Variants in L3MBTL4 observed in about 807,000 individuals in gnomAD.
The protein encoded by L3MBTL4 is lethal(3)malignant brain tumor-like protein 4.
L3MBTL4 carries 70 observed loss-of-function variants against 84.5 expected under a neutral mutation model. The observed-to-expected ratio is 0.83, with a 90% CI of 0.68 to 1.01. The LOEUF (loss-of-function observed/expected upper bound fraction) is 1.01. Among genes scored for constraint, L3MBTL4 ranks in the 50% least tolerant of loss-of-function variants. The probability of loss-of-function intolerance (pLI) is 0.00; values close to 1 mark genes in which losing one functional copy is unlikely to be tolerated. For synonymous variants in L3MBTL4, 274 were observed against 259.8 expected (o/e 1.05, Z -0.52); for missense variants, 715 against 754.8 (o/e 0.95, Z 0.62).
chr18:5,996,423 C>CGTTTGT (rs1555625866), intron 16 of L3MBTL4, among the ~76,000 whole-genome samples: 4 of 152,134 alleles, frequency 2.6e-5, no homozygotes, highest in African/African-American at 9.7e-5. Flanking sequence ...GTGAGCTGTA[C>CGTTTGT]GTTTTTGTTT....
In L3MBTL4 at chr18:6,215,810, G is replaced by A; in HGVS notation, c.810C>T (p.Ser270=). The change falls in exon 11 of 19, where the codon TCC becomes TCT. Residue 270 remains serine, a synonymous_variant. Transcript: ENST00000317931. The part of the protein sequence containing the change: ...PQGYPNPENF[S]WTEYLEATQT... ...GAGTAGCTTCCAGGTATTCTGTCCA[G>A]GAAAAATTTTCTGGATTGGGATAAC... 6.2e-7 allele frequency: 1 copy of A among 1,603,200 alleles called. No homozygotes were observed. Among genetic ancestry groups the A allele is most frequent in the Non-Finnish European group, 8.5e-7 (1 of 1,175,414 alleles).
At chr18:6,216,257 A>T (rs2046322320) in intron 10 of L3MBTL4, among the ~76,000 whole-genome samples, 1 of 152,210 alleles carries the variant, frequency 6.6e-6, no homozygotes, top group African/African-American at 2.4e-5. Context: ...TTCTCTAATC[A>T]TTCTATATCT....
chr18:6,412,694 C>G (rs762083342), intron 1 of L3MBTL4, among the ~76,000 whole-genome samples: 3 of 152,038 alleles, frequency 2.0e-5, no homozygotes, highest in Admixed American at 6.6e-5. Context: ...CTCGGTCCTA[C>G]GAGTATTTGT....
At chr18:6,176,397 C>A (rs985124046) in intron 12 of L3MBTL4, among the ~76,000 whole-genome samples, 1 of 151,916 alleles carries the variant, frequency 6.6e-6, no homozygotes, top group Non-Finnish European at 1.5e-5. Flanking sequence ...ATAAATTGAT[C>A]CATATATATG....
chr18:6,387,194 G>C (rs181307152), intron 1 of L3MBTL4, among the ~76,000 whole-genome samples: 1 of 152,160 alleles, frequency 6.6e-6, no homozygotes, highest in African/African-American at 2.4e-5. Context: ...ATTGAGGTCT[G>C]GGAACCTCCA....
chr18:6,137,709 T>C (rs1276824843), intron 14 of L3MBTL4, among the ~76,000 whole-genome samples: 2 of 152,238 alleles, frequency 1.3e-5, no homozygotes, highest in East Asian at 3.8e-4. Flanking sequence ...CAACATCTGT[T>C]CATATGGATA....
intron 17 of L3MBTL4, among the ~76,000 whole-genome samples, chr18:5,965,345 C>G (rs1479241152): frequency 6.6e-6 from 1 of 152,208 alleles, no homozygotes. Flanking sequence ...TCCTCCCAGG[C>G]CAGGAAGGCA....
intron 1 of L3MBTL4, among the ~76,000 whole-genome samples, chr18:6,375,717 A>T (rs181012750): frequency 2.6e-5 from 4 of 152,326 alleles, no homozygotes; most frequent in Admixed American, 2.6e-4. Context: ...TGCAACAGTC[A>T]GGATGAGAAA....
At chr18:6,131,456 G>A (rs1328767756) in intron 14 of L3MBTL4, among the ~76,000 whole-genome samples, 40 of 152,100 alleles carry the variant, frequency 2.6e-4, no homozygotes, top group African/African-American at 2.4e-5. Flanking sequence ...CTGGACTAGA[G>A]ACTGCAAGAA....
At chr18:6,292,519 T>C (rs2049911669) in intron 4 of L3MBTL4, among the ~76,000 whole-genome samples, 1 of 152,172 alleles carries the variant, frequency 6.6e-6, no homozygotes, top group African/African-American at 2.4e-5. Flanking sequence ...TCTTTGTTAC[T>C]CAGATATGGC....
chr18:6,352,880 T>TTATCCTAA (rs1322388889), intron 1 of L3MBTL4, among the ~76,000 whole-genome samples: 35 of 152,360 alleles, frequency 2.3e-4, no homozygotes, highest in African/African-American at 8.4e-4. Flanking sequence ...CCTTCTATTT[T>TTATCCTAA]TATCCTAAAT....
At chr18:6,208,076 C>A (rs1453192070) in intron 12 of L3MBTL4, among the ~76,000 whole-genome samples, 1 of 151,790 alleles carries the variant, frequency 6.6e-6, no homozygotes, top group Non-Finnish European at 1.5e-5. Flanking sequence ...GATTGTGCCA[C>A]TGCACTTTAG....
chr18:6,119,027 C>T (rs1210871172), intron 14 of L3MBTL4, among the ~76,000 whole-genome samples: 6 of 101,746 alleles, frequency 5.9e-5, no homozygotes, highest in Non-Finnish European at 1.1e-4. Context: ...TTGACTAGAA[C>T]AGTATCCCTC....
rs564125358 is a variant in L3MBTL4, at chr18:6,223,124, TA to T, written c.785-7290del. On this transcript the variant is annotated intron_variant, in intron 10 of 18. Transcript: ENST00000317931. ...AGCCAATTGGTGATTCTAGAGAATC[TA>T]AAAAAACCAACTGTGTTATTTCTAC... 1.8e-4 allele frequency among the ~76,000 whole-genome samples: 28 copies of T among 152,116 alleles called. No individual in the cohort carries two copies. In the South Asian group the frequency reaches 5.8e-3, roughly 32 times the overall value.
At chr18:6,203,113 C>T (rs1291694414) in intron 12 of L3MBTL4, among the ~76,000 whole-genome samples, 2 of 152,216 alleles carry the variant, frequency 1.3e-5, no homozygotes, top group Admixed American at 6.5e-5. Context: ...AGGACCAATG[C>T]CTTGGCCAGT....
chr18:6,270,795 G>C (rs2048833619), intron 4 of L3MBTL4, among the ~76,000 whole-genome samples: 1 of 152,206 alleles, frequency 6.6e-6, no homozygotes, highest in Non-Finnish European at 1.5e-5. Flanking sequence ...AGACCATGCA[G>C]CTTCCTCAAA....
At position 6,046,642 on chromosome 18, in the gene L3MBTL4, C is replaced by A. The variant is rs553538319; in HGVS notation, c.1444+34239G>T. Reference sequence around the variant, plus strand: ...TTACATGGAAATTAGAAAACTTGCACCTGAATGACTTTTAGGTAAATAACA... The same window carrying A: ...TTACATGGAAATTAGAAAACTTGCAACTGAATGACTTTTAGGTAAATAACA... On this transcript the variant is annotated intron_variant, in intron 16 of 18. Coordinates refer to ENST00000317931, the MANE Select transcript of L3MBTL4 (RefSeq NM_001330559.2). 266 of 676,262 alleles carry A rather than the reference C, an allele frequency of 3.9e-4. 7 individuals carry two copies. The South Asian group carries it at 4.4e-3, about 11-fold the overall frequency. The allele number at this position is 676,262 out of a possible 1,614,324, so 41.9% of individuals were successfully genotyped here.
At chr18:6,144,020 AC>A (rs2042536458) in intron 13 of L3MBTL4, among the ~76,000 whole-genome samples, 1 of 151,844 alleles carries the variant, frequency 6.6e-6, no homozygotes, top group East Asian at 1.9e-4. Context: ...ACACGGTGAA[AC>A]CCCGTCTCTA....
At chr18:6,305,511 T>G (rs899761227) in intron 3 of L3MBTL4, among the ~76,000 whole-genome samples, 1 of 152,212 alleles carries the variant, frequency 6.6e-6, no homozygotes, top group Non-Finnish European at 1.5e-5. Flanking sequence ...TATCTTATCC[T>G]TGCAGACAGA....
Sources: allele counts gnomAD v4.1 joint callset (sites outside exome capture counted in the v4.1 genomes callset), GRCh38; gene constraint gnomAD v4.1.1; transcripts MANE v1.5; gene names NCBI Gene and HGNC (gene_info 2026-07-23, HGNC 2026-07-21).